The following FLRT1 variants were observed in gnomAD, a reference collection of about 807,000 sequenced individuals.
FLRT1 encodes leucine-rich repeat transmembrane protein FLRT1.
FLRT1 carries 14 observed loss-of-function variants against 30.9 expected under a neutral mutation model. The ratio of observed to expected loss-of-function variants is 0.45; its 90% confidence interval spans 0.30 to 0.71. FLRT1 has a LOEUF of 0.71. Among genes scored for constraint, FLRT1 ranks in the 30% least tolerant of loss-of-function variants. FLRT1 has a pLI of 0.08. For synonymous variants in FLRT1, 368 were observed against 430.4 expected, an observed-to-expected ratio of 0.85 and a Z score of 1.80; for missense variants, 737 against 949.2, an observed-to-expected ratio of 0.78 and a Z score of 2.94.
chr11:64,113,855 G>T (rs995318661), intron 2 of FLRT1, among the ~76,000 whole-genome samples: 3 of 146,440 alleles, frequency 2.0e-5, no homozygotes, highest in Admixed American at 6.9e-5. Flanking sequence ...TGGACAGCTG[G>T]ATGTATGGAT....
chr11:64,101,766 C>T (rs1944675610), intron 1 of FLRT1, among the ~76,000 whole-genome samples: 1 of 152,226 alleles, frequency 6.6e-6, no homozygotes, highest in Non-Finnish European at 1.5e-5. Flanking sequence ...CCTTCCAGGG[C>T]CTGTGCCCCA....
At chr11:64,041,533 G>A (rs1427494348) in intron 1 of FLRT1, among the ~76,000 whole-genome samples, 1 of 152,032 alleles carries the variant, frequency 6.6e-6, no homozygotes, top group Non-Finnish European at 1.5e-5. Flanking sequence ...ACACCTGGCT[G>A]GTTCTGAGTG....
intron 1 of FLRT1, among the ~76,000 whole-genome samples, chr11:64,088,893 G>C (rs1223421151): frequency 6.6e-6 from 1 of 152,130 alleles, no homozygotes. Context: ...TTGAAGGTGC[G>C]GTTCACAAAG....
chr11:64,110,869 C>T (rs1299380122), intron 2 of FLRT1, among the ~76,000 whole-genome samples: 1 of 152,206 alleles, frequency 6.6e-6, no homozygotes, highest in Non-Finnish European at 1.5e-5. Flanking sequence ...AGAGATTCCT[C>T]TGGTGAGGCG....
At chr11:64,092,599 C>G (rs1332404652) in intron 1 of FLRT1, among the ~76,000 whole-genome samples, 1 of 152,252 alleles carries the variant, frequency 6.6e-6, no homozygotes, top group Non-Finnish European at 1.5e-5. Flanking sequence ...CCCGTCCACT[C>G]CCACTCTCAT....
rs1300073463 is a variant in FLRT1, at chr11:64,065,526, ATG to A, written c.-1038+29368_-1038+29369del. 4.6e-5 allele frequency among the ~76,000 whole-genome samples: 7 copies of A among 152,294 alleles called. No homozygotes were observed. The South Asian group carries it at 1.0e-3, about 23-fold the overall frequency. ...AACAAGGGGCCAGGCGCGGTGGCTC[ATG>A]CCTGTAATCCCAGCACTTTGGGAGG... On this transcript the variant is annotated intron_variant, in intron 1 of 2. Coordinates refer to ENST00000682287, the MANE Select transcript of FLRT1 (RefSeq NM_013280.5).
intron 1 of FLRT1, among the ~76,000 whole-genome samples, chr11:64,052,249 G>A (rs902971061): frequency 2.0e-5 from 3 of 152,052 alleles, no homozygotes; most frequent in Non-Finnish European, 4.4e-5. Flanking sequence ...AAGCATTGTC[G>A]GGGTGGGGGA....
intron 1 of FLRT1, among the ~76,000 whole-genome samples, chr11:64,040,141 C>T (rs1231765297): frequency 6.6e-6 from 1 of 152,272 alleles, no homozygotes; most frequent in Non-Finnish European, 1.5e-5. Flanking sequence ...GTGTCTTGCC[C>T]TCAGGGCGCT....
At chr11:64,094,886 G>A (rs1309836018) in intron 1 of FLRT1, among the ~76,000 whole-genome samples, 13 of 152,242 alleles carry the variant, frequency 8.5e-5, no homozygotes, top group South Asian at 2.1e-4. Context: ...GGATTTCGCC[G>A]AATGTCCCAT....
chr11:64,117,036 C>A lies in FLRT1; in HGVS notation c.769C>A (p.Arg257Ser). Residue 257 changes from arginine to serine, a missense_variant, in exon 3 of 3, where the codon CGC (arginine) becomes AGC (serine). Transcript: ENST00000682287. The part of the protein sequence containing the change: ...LQNLTELSLV[R>S]NSLAAPPLNL... The stretch of plus-strand genomic sequence containing the variant: ...GAACCTCACAGAGCTCTCGCTGGTG[C>A]GCAATTCGCTGGCCGCGCCACCCCT... The A allele has an allele frequency of 1.9e-6, 3 of 1,609,880 alleles. No individual in the cohort carries two copies. Among genetic ancestry groups the A allele is most frequent in the Non-Finnish European group, 2.5e-6 (3 of 1,178,454 alleles).
intron 1 of FLRT1, among the ~76,000 whole-genome samples, chr11:64,100,055 G>C (rs907012359): frequency 1.3e-5 from 2 of 152,138 alleles, no homozygotes; most frequent in African/African-American, 2.4e-5. Context: ...TTGAGGCCCT[G>C]ACACTGCTAC....
chr11:64,113,937 CGGATGGATGGAT>C (rs562555774), intron 2 of FLRT1, among the ~76,000 whole-genome samples: 3 of 66,520 alleles, frequency 4.5e-5, no homozygotes, highest in African/African-American at 1.8e-4. Flanking sequence ...GATTGATGCA[CGGATGGATGGAT>C]GGATGGATGG....
chr11:64,099,686 G>GGGTGGATAGATT (rs2134552383), intron 1 of FLRT1, among the ~76,000 whole-genome samples: 1 of 151,756 alleles, frequency 6.6e-6, no homozygotes, highest in South Asian at 2.1e-4. Flanking sequence ...ATGGAGGGAT[G>GGGTGGATAGATT]GATGGATGAA....
intron 1 of FLRT1, among the ~76,000 whole-genome samples, chr11:64,079,238 G>T (rs903240033): frequency 6.6e-6 from 1 of 152,120 alleles, no homozygotes; most frequent in African/African-American, 2.4e-5. Flanking sequence ...TCCTGCTCTG[G>T]CATGTGGCTT....
At chr11:64,055,296 G>A (rs1043777972) in intron 1 of FLRT1, among the ~76,000 whole-genome samples, 5 of 152,222 alleles carry the variant, frequency 3.3e-5, no homozygotes, top group African/African-American at 1.2e-4. Context: ...CGGGAGACAG[G>A]AACAAATGCC....
intron 1 of FLRT1, among the ~76,000 whole-genome samples, chr11:64,089,763 G>A (rs995167480): frequency 1.3e-5 from 2 of 152,180 alleles, no homozygotes; most frequent in Non-Finnish European, 2.9e-5. Context: ...TGCCAGTCCC[G>A]TGGGGGCAGG....
At chr11:64,102,350 G>A (rs571915031) in intron 1 of FLRT1, among the ~76,000 whole-genome samples, 40 of 149,956 alleles carry the variant, frequency 2.7e-4, no homozygotes, top group African/African-American at 7.0e-4. Flanking sequence ...GGCGGCTGCG[G>A]GTGTTGAGGA....
In FLRT1 at chr11:64,067,028, G is replaced by A. The variant is rs1372789097; in HGVS notation, c.-1038+30869G>A. ...CGCTAGGCAGTCCCTGGGGAGATTGGATGAGGGGCTCAGGGACCCCCCATG... is the reference window on the plus strand; with the variant it reads ...CGCTAGGCAGTCCCTGGGGAGATTGAATGAGGGGCTCAGGGACCCCCCATG... On this transcript the variant is annotated intron_variant, in intron 1 of 2. Coordinates refer to ENST00000682287, the MANE Select transcript of FLRT1 (RefSeq NM_013280.5). This position sits in a 1 kb window ranked among gnomAD's most constrained non-coding sequence, Gnocchi z 4.6. Among the ~76,000 whole-genome samples, 1 of 152,212 alleles carries A rather than the reference G, an allele frequency of 6.6e-6. No individual in the cohort carries two copies. The highest frequency in any genetic ancestry group is 2.4e-5 in the African/African-American group (1 of 41,434).
intron 1 of FLRT1, among the ~76,000 whole-genome samples, chr11:64,044,150 C>T (rs1170685713): frequency 1.3e-5 from 2 of 152,088 alleles, no homozygotes; most frequent in Non-Finnish European, 2.9e-5. Flanking sequence ...TGCTCGTAAC[C>T]CCCTCAGCCT....
Sources: gnomAD v4.1 joint callset for allele counts (sites outside exome capture counted in the v4.1 genomes callset) on GRCh38, gnomAD v4.1.1 for gene constraint, Gnocchi (gnomAD v3.1) non-coding constraint, MANE v1.5 for transcripts, NCBI Gene and HGNC (gene_info 2026-07-23, HGNC 2026-07-21) for gene names.